Variants in LHFPL3 observed in about 807,000 individuals in gnomAD.
LHFPL3 encodes the protein LHFPL tetraspan subfamily member 3 protein.
In LHFPL3, 5 loss-of-function variants were observed where a neutral mutation model predicts 19.3. The ratio of observed to expected loss-of-function variants is 0.26; its 90% confidence interval spans 0.14 to 0.54. The LOEUF is 0.54. Among genes scored for constraint, LHFPL3 ranks in the 20% least tolerant of loss-of-function variants. The pLI, the probability that LHFPL3 is intolerant of heterozygous loss-of-function variation, is 0.94. For missense variants in LHFPL3, 249 were observed against 307.4 expected, an observed-to-expected ratio of 0.81 and a Z score of 1.42; for synonymous variants, 133 against 126.2, an observed-to-expected ratio of 1.05 and a Z score of -0.36.
chr7:104,401,291 T>C (rs2116493879), intron 1 of LHFPL3, among the ~76,000 whole-genome samples: 1 of 152,304 alleles, frequency 6.6e-6, no homozygotes, highest in South Asian at 2.1e-4. Flanking sequence ...AAATTAAGCC[T>C]GAGAAAAATA....
intron 2 of LHFPL3, among the ~76,000 whole-genome samples, chr7:104,790,026 C>T (rs567908536): frequency 2.0e-5 from 3 of 152,248 alleles, no homozygotes; most frequent in African/African-American, 7.2e-5. Flanking sequence ...ATTTATCCTG[C>T]TAGGTTTCTG....
intron 1 of LHFPL3, among the ~76,000 whole-genome samples, chr7:104,648,429 C>T (rs965832599): frequency 3.9e-5 from 6 of 152,076 alleles, no homozygotes; most frequent in Non-Finnish European, 4.4e-5. Context: ...AAGAAAAAGC[C>T]GTCATTAAAT....
intron 1 of LHFPL3, among the ~76,000 whole-genome samples, chr7:104,434,681 C>G (rs1792068388): frequency 6.6e-6 from 1 of 152,122 alleles, no homozygotes; most frequent in Non-Finnish European, 1.5e-5. Context: ...AGGATGAGAA[C>G]CTTTCTAAAT....
intron 2 of LHFPL3, among the ~76,000 whole-genome samples, chr7:104,830,319 G>C (rs1357925550): frequency 3.3e-5 from 5 of 151,830 alleles, no homozygotes; most frequent in South Asian, 4.1e-4. Flanking sequence ...TTGCTGTGCA[G>C]AAGCTCTTTA....
chr7:104,852,239 C>G (rs28465113), intron 2 of LHFPL3, among the ~76,000 whole-genome samples: 29,226 of 152,030 alleles, frequency 0.19, 3,073 homozygotes, highest in East Asian at 0.32. Context: ...CTCTCAGACA[C>G]AGAGAGAGAA....
At chr7:104,711,218 C>T (rs1163821296) in intron 1 of LHFPL3, among the ~76,000 whole-genome samples, 1 of 152,260 alleles carries the variant, frequency 6.6e-6, no homozygotes, top group Non-Finnish European at 1.5e-5. Context: ...AAGATAGAAA[C>T]GAGACAGAGA....
intron 1 of LHFPL3, among the ~76,000 whole-genome samples, chr7:104,477,756 A>T (rs1255728233): frequency 9.6e-3 from 2 of 208 alleles, no homozygotes; most frequent in Non-Finnish European, 0.017. Flanking sequence ...AAATAAGTTA[A>T]AAAAAAAAAG....
intron 1 of LHFPL3, among the ~76,000 whole-genome samples, chr7:104,374,793 G>A (rs1790678312): frequency 6.6e-6 from 1 of 152,162 alleles, no homozygotes; most frequent in Admixed American, 6.5e-5. Flanking sequence ...CTCCACCAGA[G>A]TGTAAGCTTT....
At chr7:104,623,894 C>T (rs1791497106) in intron 1 of LHFPL3, among the ~76,000 whole-genome samples, 1 of 152,100 alleles carries the variant, frequency 6.6e-6, no homozygotes, top group Non-Finnish European at 1.5e-5. Flanking sequence ...ACAGATGAGT[C>T]CTGCCCAAAT....
chr7:104,561,063 C>T (rs1427331914), intron 1 of LHFPL3, among the ~76,000 whole-genome samples: 1 of 151,918 alleles, frequency 6.6e-6, no homozygotes, highest in African/African-American at 2.4e-5. Flanking sequence ...GTTATAATTT[C>T]TGTTCTTTTA....
chr7:104,417,437 G>A (rs1791643426), intron 1 of LHFPL3, among the ~76,000 whole-genome samples: 1 of 152,134 alleles, frequency 6.6e-6, no homozygotes, highest in South Asian at 2.1e-4. Flanking sequence ...ATAAAATGGT[G>A]CCTTAAGGTT....
chr7:104,565,385 A>T (rs1718954343), intron 1 of LHFPL3, among the ~76,000 whole-genome samples: 1 of 152,240 alleles, frequency 6.6e-6, no homozygotes, highest in Non-Finnish European at 1.5e-5. Context: ...GTTGCTATTT[A>T]TTTGAGCAGT....
intron 1 of LHFPL3, among the ~76,000 whole-genome samples, chr7:104,373,686 G>A (rs954175897): frequency 1.3e-5 from 2 of 151,814 alleles, no homozygotes; most frequent in African/African-American, 4.8e-5. Context: ...AAACTCAAAG[G>A]CAGGTGGGAG....
chr7:104,837,921 C>G (rs1791128509), intron 2 of LHFPL3, among the ~76,000 whole-genome samples: 1 of 152,166 alleles, frequency 6.6e-6, no homozygotes, highest in Non-Finnish European at 1.5e-5. Context: ...ATGTTTAATG[C>G]TAGCATGCCT....
chr7:104,731,059 T>G (rs1432440016), intron 1 of LHFPL3, among the ~76,000 whole-genome samples: 1 of 152,282 alleles, frequency 6.6e-6, no homozygotes. Flanking sequence ...TAGTTGTAGA[T>G]GTGTGGTATT....
intron 1 of LHFPL3, among the ~76,000 whole-genome samples, chr7:104,648,870 G>C (rs1352775314): frequency 6.6e-6 from 1 of 152,192 alleles, no homozygotes; most frequent in African/African-American, 2.4e-5. Context: ...CTGTTTGTCA[G>C]AGTAACACAT....
chr7:104,906,036 T>A (rs1305733382), intron 2 of LHFPL3, 151 bp from the exon 3 acceptor site: 31 of 722,998 alleles, frequency 4.3e-5, no homozygotes, highest in Non-Finnish European at 7.2e-5. Flanking sequence ...TTTCCAGTAT[T>A]GTTTGGTAAC....
intron 1 of LHFPL3, among the ~76,000 whole-genome samples, chr7:104,495,563 T>C (rs1392282447): frequency 6.6e-6 from 1 of 152,114 alleles, no homozygotes; most frequent in Non-Finnish European, 1.5e-5. Flanking sequence ...TTTTGTATTT[T>C]TAGTAGAGAT....
chr7:104,518,664 A>T (rs978408383), intron 1 of LHFPL3, among the ~76,000 whole-genome samples: 2 of 152,182 alleles, frequency 1.3e-5, no homozygotes, highest in African/African-American at 4.8e-5. Context: ...GGCACCTGCA[A>T]TCTCAGCTAT....
Sources: allele counts gnomAD v4.1 joint callset (sites outside exome capture counted in the v4.1 genomes callset), GRCh38; gene constraint gnomAD v4.1.1; transcripts MANE v1.5; gene names NCBI Gene and HGNC (gene_info 2026-07-23, HGNC 2026-07-21).